Variants in TEX9 observed in about 807,000 individuals in gnomAD.
TEX9 encodes the protein testis-expressed protein 9.
TEX9 carries 74 observed loss-of-function variants against 59.6 expected under a neutral mutation model. The ratio of observed to expected loss-of-function variants is 1.24; its 90% CI spans 1.03 to 1.51. TEX9 has a LOEUF of 1.51. TEX9 is among the 40% of genes most tolerant of loss of function. TEX9 has a pLI of 0.00. For synonymous variants in TEX9, 186 were observed against 152.2 expected (o/e 1.22, Z -1.64); for missense variants, 522 against 447.8 (o/e 1.17, Z -1.49).
intron 1 of TEX9, among the ~76,000 whole-genome samples, chr15:56,266,313 A>T (rs2044380232): frequency 6.7e-6 from 1 of 149,930 alleles, no homozygotes; most frequent in South Asian, 2.1e-4. Flanking sequence ...TTTAGTAGAG[A>T]TGGGGTTTCT....
In TEX9 at chr15:56,388,533, A is replaced by T; in HGVS notation, c.312+13A>T. On this transcript the variant is annotated intron_variant, in intron 5 of 12. Transcript: ENST00000352903. ...TTCAGAAACTAAGGTATGAAATCAAACTTTCTGTGAATGCAATTATATTCT... is the reference window on the plus strand; with the variant it reads ...TTCAGAAACTAAGGTATGAAATCAATCTTTCTGTGAATGCAATTATATTCT... 1.2e-6 allele frequency: 2 copies of T among 1,608,060 alleles called. No individual in the cohort carries two copies. Among genetic ancestry groups the T allele is most frequent in the Non-Finnish European group, 1.7e-6 (2 of 1,175,378 alleles).
intron 1 of TEX9, among the ~76,000 whole-genome samples, chr15:56,336,670 A>G (rs2046262980): frequency 6.6e-6 from 1 of 152,210 alleles, no homozygotes; most frequent in Admixed American, 6.5e-5. Flanking sequence ...CATTACCTAT[A>G]TGAGAATGAT....
chr15:56,418,404 C>T (rs1040402124), intron 10 of TEX9, among the ~76,000 whole-genome samples: 3 of 151,186 alleles, frequency 2.0e-5, no homozygotes, highest in African/African-American at 7.3e-5. Flanking sequence ...ATTCACTTAT[C>T]TGAAGAGGAT....
intron 9 of TEX9, chr15:56,396,168 G>A (rs1412577458): frequency 6.6e-6 from 1 of 152,136 alleles, no homozygotes; most frequent in Non-Finnish European, 1.5e-5. Flanking sequence ...CCGAGATTTA[G>A]TAAGAAAATG....
At chr15:56,378,721 T>C (rs1186777514) in intron 3 of TEX9, among the ~76,000 whole-genome samples, 1 of 152,154 alleles carries the variant, frequency 6.6e-6, no homozygotes, top group Non-Finnish European at 1.5e-5. Flanking sequence ...TCTTCATTTC[T>C]TTTCTTCTAC....
At chr15:56,398,926 G>A (rs1318927171) in intron 9 of TEX9, among the ~76,000 whole-genome samples, 1 of 152,176 alleles carries the variant, frequency 6.6e-6, no homozygotes, top group East Asian at 1.9e-4. Flanking sequence ...GAGGTCAGGA[G>A]ATCGAGACCA....
At chr15:56,441,464 T>G (rs1087838) in intron 12 of TEX9, among the ~76,000 whole-genome samples, 13,607 of 152,180 alleles carry the variant, frequency 0.089, 1,353 homozygotes, top group East Asian at 0.46. Context: ...TAATGAGAAC[T>G]GTGCATTGAA....
At chr15:56,288,821 C>T (rs972995201) in intron 1 of TEX9, among the ~76,000 whole-genome samples, 6 of 120,304 alleles carry the variant, frequency 5.0e-5, no homozygotes, top group Non-Finnish European at 4.2e-5. Flanking sequence ...TTTAAATAAG[C>T]TCTCTACACT....
chr15:56,364,140 A>ATT (rs200071666), upstream of TEX9, among the ~76,000 whole-genome samples: 1 of 149,906 alleles, frequency 6.7e-6, no homozygotes, highest in Admixed American at 6.6e-5. Context: ...TAGTTTATCT[A>ATT]TTTTTTTTTC....
chr15:56,353,557 A>G (rs1203875949), intron 1 of TEX9, among the ~76,000 whole-genome samples: 2 of 152,348 alleles, frequency 1.3e-5, no homozygotes, highest in African/African-American at 2.4e-5. Flanking sequence ...GGAATCAAAT[A>G]ATATTAAAAG....
chr15:56,456,611 G>C, the TEX9 span: 3 of 1,267,638 alleles, frequency 2.4e-6, no homozygotes, highest in Non-Finnish European at 3.3e-6. Flanking sequence ...AAAACTAAAT[G>C]CCTTAAGGCC....
At chr15:56,392,243 G>T (rs533482338) in intron 7 of TEX9, among the ~76,000 whole-genome samples, 1 of 152,290 alleles carries the variant, frequency 6.6e-6, no homozygotes. Context: ...ATAAAGAAAT[G>T]GTTTAATTGG....
intron 1 of TEX9, among the ~76,000 whole-genome samples, chr15:56,316,836 G>A (rs1369168799): frequency 1.2e-4 from 19 of 152,330 alleles, no homozygotes; most frequent in Admixed American, 6.5e-4. Flanking sequence ...AGCCAGGTGC[G>A]GGATATAATC....
chr15:56,343,710 G>A (rs1262391271), intron 1 of TEX9, among the ~76,000 whole-genome samples: 1 of 152,020 alleles, frequency 6.6e-6, no homozygotes, highest in Non-Finnish European at 1.5e-5. Context: ...CAGAGTCAGA[G>A]AAAATTATTT....
intron 10 of TEX9, among the ~76,000 whole-genome samples, chr15:56,424,040 A>G (rs971775366): frequency 6.6e-6 from 1 of 152,062 alleles, no homozygotes; most frequent in Non-Finnish European, 1.5e-5. Flanking sequence ...TTATTGCTTT[A>G]TTGGTCTTCC....
intron 12 of TEX9, among the ~76,000 whole-genome samples, chr15:56,441,208 C>G (rs2050808995): frequency 6.6e-6 from 1 of 151,658 alleles, no homozygotes. Flanking sequence ...GGTATATTTT[C>G]ATTACTGATT....
rs192771057 is a variant in TEX9 at position 56,367,673 on chromosome 15, G to T, written c.119+2003G>T. Among the ~76,000 whole-genome samples the T allele has an allele frequency of 2.0e-3, 309 of 152,250 alleles. 5 individuals are homozygous for T. The highest frequency in any genetic ancestry group is 7.1e-3 in the African/African-American group (295 of 41,532). Reference sequence around the variant, plus strand: ...AGAGAACTGACTTATTTATGCTATTGAATTTTCCACGAATATGATACTTCT... The same window carrying T: ...AGAGAACTGACTTATTTATGCTATTTAATTTTCCACGAATATGATACTTCT... On this transcript the variant is annotated intron_variant, in intron 2 of 12. Coordinates refer to ENST00000352903, the Ensembl canonical transcript of TEX9.
chr15:56,256,228 C>A (rs1217655385), intron 1 of TEX9, among the ~76,000 whole-genome samples: 1 of 151,978 alleles, frequency 6.6e-6, no homozygotes, highest in African/African-American at 2.4e-5. Context: ...CCATTATCAT[C>A]TCATGTCACA....
intron 1 of TEX9, among the ~76,000 whole-genome samples, chr15:56,348,048 G>A (rs114678771): frequency 0.01 from 1,561 of 152,166 alleles, 23 homozygotes; most frequent in African/African-American, 0.036. Context: ...TAATGGAAAT[G>A]TTCTGTACCT....
Sources: gnomAD v4.1 joint callset for allele counts (sites outside exome capture counted in the v4.1 genomes callset) on GRCh38, gnomAD v4.1.1 for gene constraint, MANE v1.5 for transcripts, NCBI Gene and HGNC (gene_info 2026-07-23, HGNC 2026-07-21) for gene names.